The following MIGA2 variants were observed in gnomAD, a reference collection of about 807,000 sequenced individuals.
MIGA2 encodes the protein family with sequence similarity 73, member B.
Under a neutral mutation model 69.9 loss-of-function variants are expected in MIGA2, and 36 were observed. The observed-to-expected ratio is 0.52, with a 90% CI of 0.39 to 0.68. The LOEUF (loss-of-function observed/expected upper bound fraction) is 0.68, where lower values mean the gene tolerates loss of function less well. MIGA2 is among the 30% of genes least tolerant of loss of function. The probability of loss-of-function intolerance (pLI) is 0.00; values close to 1 mark genes in which losing one functional copy is unlikely to be tolerated. For missense variants in MIGA2, 660 were observed against 787.7 expected, an observed-to-expected ratio of 0.84 and a Z score of 1.94; for synonymous variants, 333 against 349.2, an observed-to-expected ratio of 0.95 and a Z score of 0.52.
At position 129,070,227 on chromosome 9, in the gene MIGA2, C is replaced by T. The variant is rs1846599417; in HGVS notation, c.1576-20C>T. On this transcript the variant is annotated intron_variant, in intron 15 of 15. Transcript: ENST00000684074. ...TGGGCAGTGGCTGGGCCAGGCCTGA[C>T]ACCAGCCCTGCTCCCCCAGCACCAG... 6.2e-7 allele frequency: 1 copy of T among 1,606,356 alleles called. No individual in the cohort carries two copies. The highest frequency in any genetic ancestry group is 1.1e-5 in the South Asian group (1 of 90,882).
chr9:129,070,085 C>A, intron 15 of MIGA2, 120 bp downstream of exon 15: 3 of 1,228,552 alleles, frequency 2.4e-6, no homozygotes, highest in Non-Finnish European at 2.3e-6. Flanking sequence ...GAGGGCAGAG[C>A]CAGACCCACA....
At chr9:129,055,624 G>A (rs1845756392) in intron 6 of MIGA2, among the ~76,000 whole-genome samples, 2 of 152,128 alleles carry the variant, frequency 1.3e-5, no homozygotes, top group Admixed American at 6.6e-5. Flanking sequence ...GATGAGGTGG[G>A]CGATCACGAG....
At chr9:129,063,658 A>C (rs777658429) in intron 11 of MIGA2, 27 bp downstream of exon 11, 13 of 1,604,564 alleles carry the variant, frequency 8.1e-6, no homozygotes, top group Non-Finnish European at 8.5e-6. Flanking sequence ...TGGGGGGGCA[A>C]ATTATAAAAT....
At chr9:129,036,815 G>A (rs1437974075) in intron 1 of MIGA2, 134 bp downstream of exon 1, 3 of 388,382 alleles carry the variant, frequency 7.7e-6, no homozygotes, top group African/African-American at 2.2e-5. Context: ...GGAATGAGTG[G>A]GTACCCGGGC....
At chr9:129,051,876 T>A (rs1030982019) in intron 6 of MIGA2, among the ~76,000 whole-genome samples, 2 of 143,444 alleles carry the variant, frequency 1.4e-5, no homozygotes, top group East Asian at 2.1e-4. Context: ...CCCAGGCTGG[T>A]GTCCAGTGGT....
chr9:129,068,319 G>C lies in MIGA2; in HGVS notation c.1391G>C (p.Ser464Thr), dbSNP rs756918794. The change falls in exon 13 of 16, where the codon AGC (serine) becomes ACC (threonine). Residue 464 changes from serine to threonine, a missense_variant. Ser to Thr is a moderately conservative substitution (Grantham distance 58). Coordinates refer to ENST00000684074, the MANE Select transcript of MIGA2 (RefSeq NM_001329990.2). The surrounding 1 kb of genome is among the most constrained non-coding windows in gnomAD (Gnocchi z 4.1). Reference sequence around the variant, plus strand: ...CTGCGGAACCGCTGGCTGTCAGACAGCTTCAAGGAGACGGTGGGTCACTGC... The same window carrying C: ...CTGCGGAACCGCTGGCTGTCAGACACCTTCAAGGAGACGGTGGGTCACTGC... The part of the protein sequence containing the change: ...AVLRNRWLSD[S>T]FKETALATAC... 9 of 1,605,958 alleles carry C rather than the reference G, an allele frequency of 5.6e-6. No individual in the cohort carries two copies. In the East Asian group the frequency reaches 2.0e-4, roughly 36 times the overall value.
chr9:129,053,489 GAGT>G (rs941554246), intron 6 of MIGA2, among the ~76,000 whole-genome samples: 1 of 151,506 alleles, frequency 6.6e-6, no homozygotes, highest in Non-Finnish European at 1.5e-5. Flanking sequence ...TCAGCCTCCC[GAGT>G]AGTTTGGATT....
Position 129,068,405 on chromosome 9 carries a change from C to T in MIGA2, c.1404+73C>T, listed in dbSNP as rs984427803. ...GTGTGGTTGCCTGGCTCCGTCCCCT[C>T]TGTCCCTAGCACTGGCACCAGGGCT... On this transcript the variant is annotated intron_variant, in intron 13 of 15. Coordinates refer to ENST00000684074, the MANE Select transcript of MIGA2 (RefSeq NM_001329990.2). This position sits in a 1 kb window ranked among gnomAD's most constrained non-coding sequence, Gnocchi z 4.1. 1.3e-6 allele frequency: 2 copies of T among 1,577,866 alleles called. No homozygotes were observed. Among genetic ancestry groups the T allele is most frequent in the Non-Finnish European group, 1.7e-6 (2 of 1,168,204 alleles).
chr9:129,046,528 G>A (rs1325851449), intron 3 of MIGA2, among the ~76,000 whole-genome samples: 1 of 151,462 alleles, frequency 6.6e-6, no homozygotes, highest in South Asian at 2.1e-4. Context: ...CACAATCTTG[G>A]CTCACTGCAA....
rs530718113 is a variant in MIGA2 at position 129,050,632 on chromosome 9, C to T, written c.675+669C>T. ...TGTCACTCTGGCTGGAGTGCAGTGGCGCAATCTTGGCTCTCCGTAACCTCC... is the reference window on the plus strand; with the variant it reads ...TGTCACTCTGGCTGGAGTGCAGTGGTGCAATCTTGGCTCTCCGTAACCTCC... On this transcript the variant is annotated intron_variant, in intron 6 of 15. Coordinates refer to ENST00000684074, the MANE Select transcript of MIGA2 (RefSeq NM_001329990.2). Among the ~76,000 whole-genome samples, 205 of 146,724 alleles carry T rather than the reference C, an allele frequency of 1.4e-3. 3 individuals are homozygous for T. The highest frequency in any genetic ancestry group is 1.9e-3 in the Non-Finnish European group (131 of 67,184).
At chr9:129,055,576 C>T (rs536779334) in intron 6 of MIGA2, among the ~76,000 whole-genome samples, 7 of 152,174 alleles carry the variant, frequency 4.6e-5, no homozygotes, top group Admixed American at 2.0e-4. Context: ...AGGGGCCTCG[C>T]GCGGTGGCTC....
At chr9:129,056,056 T>C (rs1411371416) in intron 6 of MIGA2, among the ~76,000 whole-genome samples, 1 of 146,780 alleles carries the variant, frequency 6.8e-6, no homozygotes, top group Non-Finnish European at 1.5e-5. Context: ...GAGGCTGAGT[T>C]GGGAGGATTG....
At chr9:129,040,374 T>C in intron 1 of MIGA2, 78 bp from the exon 2 acceptor site, 4 of 1,079,600 alleles carry the variant, frequency 3.7e-6, no homozygotes, top group South Asian at 2.6e-5. Context: ...TCCTCCCCCA[T>C]GGACGCTCTT....
chr9:129,057,527 G>A (rs1172434558), intron 6 of MIGA2, among the ~76,000 whole-genome samples: 4 of 151,824 alleles, frequency 2.6e-5, no homozygotes, highest in Admixed American at 1.3e-4. Flanking sequence ...TCCTGACCTC[G>A]TGATCCCCCT....
rs1302319379 is a variant in MIGA2, at chr9:129,071,098, C to T, written c.*645C>T. On this transcript the variant is annotated 3_prime_UTR_variant, in exon 16 of 16. Coordinates refer to ENST00000684074, the MANE Select transcript of MIGA2 (RefSeq NM_001329990.2). Reference sequence around the variant, plus strand: ...CCTACCAAAGATCGTCTTTTCTCCTCCCACCTCTGTCACCACCAAAGACGG... The same window carrying T: ...CCTACCAAAGATCGTCTTTTCTCCTTCCACCTCTGTCACCACCAAAGACGG... 2 of 152,716 alleles carry T rather than the reference C, an allele frequency of 1.3e-5. No individual in the cohort carries two copies. Among genetic ancestry groups the T allele is most frequent in the Non-Finnish European group, 2.9e-5 (2 of 68,210 alleles). The allele number at this position is 152,716 out of a possible 1,614,324, so 9.5% of individuals were successfully genotyped here. A position where few individuals can be genotyped will look rare whatever the true frequency, so the allele number is the denominator to read the frequency against.
At chr9:129,048,644 T>C in intron 4 of MIGA2, 105 bp downstream of exon 4, 2 of 850,426 alleles carry the variant, frequency 2.4e-6, no homozygotes, top group Non-Finnish European at 3.8e-6. Context: ...ATTCATTCAT[T>C]CTCTCTCTCA....
Position 129,063,609 on chromosome 9 carries a change from G to T in MIGA2, c.1148G>T (p.Gly383Val). 6.8e-7 allele frequency: 1 copy of T among 1,464,262 alleles called. No homozygotes were observed. The highest frequency in any genetic ancestry group is 3.1e-5 in the East Asian group (1 of 32,090). 90.7% of individuals were successfully genotyped at this position (1,464,262 alleles called of 1,614,324 possible). A position where few individuals can be genotyped will look rare whatever the true frequency, so the allele number is the denominator to read the frequency against. ...FGKVGRQMVT[G>V]LMTKAEKSPK... The stretch of plus-strand genomic sequence containing the variant: ...AAAGTGGGCCGACAGATGGTGACAG[G>T]CCTGATGACCAAGGCTGAGAAGGTA... Residue 383 changes from glycine (G) to valine (V), a missense_variant, in exon 11 of 16, where the codon GGC (glycine) becomes GTC (valine). By Grantham distance (109) the Gly-to-Val change is moderately radical (BLOSUM62 -3). Transcript: ENST00000684074.
At chr9:129,057,796 G>A (rs1045057589) in intron 6 of MIGA2, among the ~76,000 whole-genome samples, 3 of 151,904 alleles carry the variant, frequency 2.0e-5, no homozygotes, top group Non-Finnish European at 4.4e-5. Flanking sequence ...TGTAGAGATA[G>A]GGTCTTTCCA....
intron 10 of MIGA2, 35 bp downstream of exon 10, chr9:129,063,351 G>A (rs2131385106): frequency 1.9e-6 from 3 of 1,612,734 alleles, no homozygotes; most frequent in East Asian, 4.5e-5. Flanking sequence ...GGGGGTGGGA[G>A]GCAAGGGGTA....
Sources: gnomAD v4.1 joint callset for allele counts (sites outside exome capture counted in the v4.1 genomes callset) on GRCh38, gnomAD v4.1.1 for gene constraint, Gnocchi (gnomAD v3.1) non-coding constraint, MANE v1.5 for transcripts, NCBI Gene and HGNC (gene_info 2026-07-23, HGNC 2026-07-21) for gene names.